Variants in SULT2B1 observed in about 807,000 individuals in gnomAD.
SULT2B1 encodes sulfotransferase family 2B member 1.
A neutral mutation model predicts 33.2 loss-of-function variants in SULT2B1; 16 were observed. The ratio of observed to expected loss-of-function variants is 0.48; its 90% CI spans 0.33 to 0.73. The LOEUF (loss-of-function observed/expected upper bound fraction) is 0.73. Ranked by LOEUF, SULT2B1 falls within the 30% of genes least tolerant of loss-of-function variation. The pLI is 0.02. For missense variants in SULT2B1, 500 were observed against 506.0 expected, an observed-to-expected ratio of 0.99 and a Z score of 0.11; for synonymous variants, 186 against 200.5, an observed-to-expected ratio of 0.93 and a Z score of 0.61.
In SULT2B1 at chr19:48,575,995, C is replaced by T; in HGVS notation, c.126C>T (p.Gly42=). 1 of 1,614,010 alleles carries T rather than the reference C, an allele frequency of 6.2e-7. No homozygotes were observed. The highest frequency in any genetic ancestry group is 1.1e-5 in the South Asian group (1 of 91,078). ...ACAAGGGCGTCCCCTTCCCCGTCGG[C>T]CTGTACTCGCTCGAGAGCATCAGCT... ...FRYKGVPFPV[G]LYSLESISLA... is the part of the protein sequence containing the mutation. The change falls in exon 2 of 7, where the codon GGC becomes GGT. Residue 42 remains glycine (G), a synonymous_variant. Coordinates refer to ENST00000201586, the MANE Select transcript of SULT2B1 (RefSeq NM_177973.2).
chr19:48,554,560 C>T (rs1285183797), intron 1 of SULT2B1, among the ~76,000 whole-genome samples: 1 of 150,242 alleles, frequency 6.7e-6, no homozygotes, highest in Non-Finnish European at 1.5e-5. Flanking sequence ...GCTGCTCCTC[C>T]CCTCCTCCCA....
chr19:48,566,876 A>G (rs554333851), intron 1 of SULT2B1, among the ~76,000 whole-genome samples: 56 of 151,804 alleles, frequency 3.7e-4, no homozygotes, highest in African/African-American at 1.3e-3. Context: ...GTTGGCACAC[A>G]CCTGTAATCC....
At chr19:48,556,866 C>T (rs973062771) in intron 1 of SULT2B1, among the ~76,000 whole-genome samples, 1 of 151,856 alleles carries the variant, frequency 6.6e-6, no homozygotes, top group African/African-American at 2.4e-5. Flanking sequence ...AGGAGAATCG[C>T]TTGAACCCAG....
chr19:48,569,652 CCA>C (rs1466058971), intron 1 of SULT2B1, among the ~76,000 whole-genome samples: 4 of 151,466 alleles, frequency 2.6e-5, no homozygotes, highest in Non-Finnish European at 4.4e-5. Context: ...GCATGAGCCA[CCA>C]TGCCTGGCCT....
At chr19:48,560,819 A>G (rs920416313) in intron 1 of SULT2B1, among the ~76,000 whole-genome samples, 1 of 151,728 alleles carries the variant, frequency 6.6e-6, no homozygotes, top group Non-Finnish European at 1.5e-5. Flanking sequence ...AAATTAGGAC[A>G]GCCGTGGTGG....
At chr19:48,560,788 C>T (rs1340820622) in intron 1 of SULT2B1, among the ~76,000 whole-genome samples, 1 of 151,556 alleles carries the variant, frequency 6.6e-6, no homozygotes, top group Non-Finnish European at 1.5e-5. Context: ...TGGTGAAACC[C>T]CATCTCTAGT....
At chr19:48,589,896 G>T (rs1328680364) in intron 3 of SULT2B1, among the ~76,000 whole-genome samples, 1 of 152,228 alleles carries the variant, frequency 6.6e-6, no homozygotes, top group Non-Finnish European at 1.5e-5. Context: ...GGAGTTTCAG[G>T]CTGCAGTGAG....
At chr19:48,570,179 CT>C (rs149283040) in intron 1 of SULT2B1, among the ~76,000 whole-genome samples, 63 of 145,696 alleles carry the variant, frequency 4.3e-4, no homozygotes, top group Admixed American at 9.7e-4. Context: ...CCGGTTTGTT[CT>C]TTTTTTTTTT....
At chr19:48,585,561 A>T (rs1195645332) in intron 2 of SULT2B1, among the ~76,000 whole-genome samples, 4 of 151,474 alleles carry the variant, frequency 2.6e-5, no homozygotes, top group African/African-American at 7.3e-5. Context: ...CCCAGCTACT[A>T]GGGAGGCTGA....
At chr19:48,589,001 C>T (rs1023396679) in intron 3 of SULT2B1, among the ~76,000 whole-genome samples, 1 of 152,184 alleles carries the variant, frequency 6.6e-6, no homozygotes. Flanking sequence ...GACCGAGTGA[C>T]GAGGCAGCGC....
intron 6 of SULT2B1, among the ~76,000 whole-genome samples, chr19:48,598,495 G>A (rs1192130971): frequency 2.0e-5 from 3 of 152,102 alleles, no homozygotes; most frequent in Non-Finnish European, 4.4e-5. Context: ...GGGAGGCTGA[G>A]GCAGGAGAAT....
At position 48,552,570 on chromosome 19, in the gene SULT2B1, C is replaced by T. The variant is rs543941061; in HGVS notation, c.71+247C>T. Among the ~76,000 whole-genome samples, 17 of 152,206 alleles carry T rather than the reference C, an allele frequency of 1.1e-4. No homozygotes were observed. Among genetic ancestry groups the T allele is most frequent in the East Asian group, 7.7e-4 (4 of 5,178 alleles). On this transcript the variant is annotated intron_variant, in intron 1 of 6. Transcript: ENST00000201586. This position sits in a 1 kb window ranked among gnomAD's most constrained non-coding sequence, Gnocchi z 4.8. ...TGCCTGGGGTGTCCCTGTCGCTCTC[C>T]GGGCCTCAGTTTTTCTGTCTGTCAA...
At chr19:48,588,792 A>G (rs1019500364) in intron 3 of SULT2B1, among the ~76,000 whole-genome samples, 14 of 151,934 alleles carry the variant, frequency 9.2e-5, no homozygotes, top group Admixed American at 6.6e-5. Flanking sequence ...AGAGGTTTCT[A>G]GAGGAAGAGC....
chr19:48,591,769 G>A (rs1358732388), intron 4 of SULT2B1, 34 bp downstream of exon 4: 42 of 1,536,504 alleles, frequency 2.7e-5, no homozygotes, highest in Non-Finnish European at 3.6e-5. Flanking sequence ...AGGAGGGGTG[G>A]GGAGGAGCCC....
At chr19:48,582,985 T>G (rs1973513182) in intron 2 of SULT2B1, among the ~76,000 whole-genome samples, 1 of 116,890 alleles carries the variant, frequency 8.6e-6, no homozygotes, top group African/African-American at 4.1e-5. Flanking sequence ...AAATCCTATC[T>G]CTACAAAAAA....
intron 6 of SULT2B1, among the ~76,000 whole-genome samples, chr19:48,598,371 C>A (rs1219982955): frequency 6.6e-6 from 1 of 152,022 alleles, no homozygotes; most frequent in Non-Finnish European, 1.5e-5. Flanking sequence ...GCAGGTGGAC[C>A]ACCTGAGGTC....
At chr19:48,581,615 G>T (rs1480598877) in intron 2 of SULT2B1, among the ~76,000 whole-genome samples, 1 of 150,354 alleles carries the variant, frequency 6.7e-6, no homozygotes, top group Non-Finnish European at 1.5e-5. Context: ...CCACCACCAC[G>T]CCCGGCTAAT....
Position 48,591,704 on chromosome 19 carries a change from C to T in SULT2B1, c.519C>T (p.Asp173=), listed in dbSNP as rs1281169729. The T allele has an allele frequency of 6.2e-7, 1 of 1,610,166 alleles. No individual in the cohort carries two copies. Among genetic ancestry groups the T allele is most frequent in the Non-Finnish European group, 8.5e-7 (1 of 1,178,162 alleles). Residue 173 remains aspartate (D), a synonymous_variant, in exon 4 of 7, where the codon GAC becomes GAT. Coordinates refer to ENST00000201586, the MANE Select transcript of SULT2B1 (RefSeq NM_177973.2). ...AGQLKDPGTP[D]QFLRDFLKGE... is the part of the protein sequence containing the mutation. ...AGTTAAAGGACCCGGGCACACCCGACCAGTTCCTGAGGGACTTCCTCAAAG... is the reference window on the plus strand; with the variant it reads ...AGTTAAAGGACCCGGGCACACCCGATCAGTTCCTGAGGGACTTCCTCAAAG...
In SULT2B1 at chr19:48,591,739, G is replaced by C. The variant is rs375012952; in HGVS notation, c.550+4G>C. ...AGGGACTTCCTCAAAGGCGAAGGTG[G>C]GGACAGGGTAAAGCGGGGCAGGAGG... On this transcript the variant is annotated splice_donor_region_variant and intron_variant, in intron 4 of 6. Transcript: ENST00000201586. 1.3e-6 allele frequency: 2 copies of C among 1,584,590 alleles called. No homozygotes were observed. Among genetic ancestry groups the C allele is most frequent in the African/African-American group, 2.7e-5 (2 of 74,406 alleles).
Sources: allele counts gnomAD v4.1 joint callset (sites outside exome capture counted in the v4.1 genomes callset), GRCh38; gene constraint gnomAD v4.1.1; non-coding constraint Gnocchi (gnomAD v3.1); transcripts MANE v1.5; gene names NCBI Gene and HGNC (gene_info 2026-07-23, HGNC 2026-07-21).